The following PDCD7 variants were observed in gnomAD, a reference collection of about 807,000 sequenced individuals.
PDCD7 encodes the protein programmed cell death 7, also known as programmed cell death protein 7.
PDCD7 carries 40 observed loss-of-function variants against 42.1 expected under a neutral mutation model. That is an observed-to-expected ratio of 0.95 (90% CI 0.74 to 1.24). The LOEUF is 1.24. PDCD7 is among the 50% of genes most tolerant of loss of function. PDCD7 has a pLI of 0.00. For missense variants in PDCD7, 644 were observed against 662.8 expected, an observed-to-expected ratio of 0.97 and a Z score of 0.31; for synonymous variants, 299 against 303.3, an observed-to-expected ratio of 0.99 and a Z score of 0.15.
At chr15:65,120,136 A>G (rs1040854667) in intron 2 of PDCD7, among the ~76,000 whole-genome samples, 182 bp from the exon 3 acceptor site, 2 of 151,876 alleles carry the variant, frequency 1.3e-5, no homozygotes, top group African/African-American at 4.8e-5. Context: ...GTGCACCACC[A>G]TGCCTGGCTT....
intron 2 of PDCD7, among the ~76,000 whole-genome samples, chr15:65,122,463 T>G (rs895258982): frequency 1.3e-4 from 20 of 152,236 alleles, no homozygotes; most frequent in Admixed American, 3.3e-4. Flanking sequence ...GTCCATGTAT[T>G]AGCAACTTCA....
rs2140590339 is a variant in PDCD7 at position 65,133,631 on chromosome 15, C to T, written c.151G>A (p.Ala51Thr). 3.2e-6 allele frequency: 4 copies of T among 1,251,578 alleles called. No individual in the cohort carries two copies. The East Asian group carries it at 1.3e-4, about 39-fold the overall frequency. The allele number at this position is 1,251,578 out of a possible 1,614,324, so 77.5% of individuals were successfully genotyped here. A position where few individuals can be genotyped will look rare whatever the true frequency, so the allele number is the denominator to read the frequency against. The change falls in exon 1 of 5, where the codon GCC becomes ACC. Residue 51 changes from alanine (A) to threonine (T), a missense_variant. Coordinates refer to ENST00000204549, the MANE Select transcript of PDCD7 (RefSeq NM_005707.2). Reference sequence around the variant, plus strand: ...GGAGGCTGAAGGAAGGGGGCGGAGGCCCCCGGAAAAGGGCCGGGCCGCTGG... The same window carrying T: ...GGAGGCTGAAGGAAGGGGGCGGAGGTCCCCGGAAAAGGGCCGGGCCGCTGG... Reference protein sequence around the residue: ...LPQRPGPFPGASAPFLQPPLA... With the variant: ...LPQRPGPFPGTSAPFLQPPLA...
intron 2 of PDCD7, among the ~76,000 whole-genome samples, chr15:65,123,976 G>A (rs1420164225): frequency 6.6e-6 from 1 of 152,148 alleles, no homozygotes; most frequent in Non-Finnish European, 1.5e-5. Flanking sequence ...ACTAAAATCT[G>A]TCTATGGCGA....
At chr15:65,129,698 C>T (rs1167255830) in intron 1 of PDCD7, among the ~76,000 whole-genome samples, 2 of 152,158 alleles carry the variant, frequency 1.3e-5, no homozygotes, top group African/African-American at 2.4e-5. Flanking sequence ...TGACTTAGTT[C>T]ACATATAGAC....
chr15:65,121,053 C>CTTTTTT (rs767625477), intron 2 of PDCD7, among the ~76,000 whole-genome samples: 8 of 130,150 alleles, frequency 6.1e-5, no homozygotes, highest in African/African-American at 1.1e-4. Flanking sequence ...GACTTTCTTT[C>CTTTTTT]TTTTTTTTTT....
chr15:65,121,887 T>C (rs888455804), intron 2 of PDCD7, among the ~76,000 whole-genome samples: 4 of 152,192 alleles, frequency 2.6e-5, no homozygotes, highest in Admixed American at 2.6e-4. Context: ...ACTTAATGAA[T>C]ATTTGAGTGG....
intron 2 of PDCD7, among the ~76,000 whole-genome samples, chr15:65,121,312 CAA>C (rs2087453179): frequency 6.6e-6 from 1 of 152,088 alleles, no homozygotes; most frequent in Non-Finnish European, 1.5e-5. Flanking sequence ...CTTGGCCTCC[CAA>C]AGTGCTGGGA....
In PDCD7 at chr15:65,119,360, A is replaced by G; in HGVS notation, c.1334+16T>C. On this transcript the variant is annotated intron_variant, in intron 4 of 4. Transcript: ENST00000204549. ...TACCTAAGAGAAAGACAACATGGAG[A>G]GCCAGCCCCTCTGACCTGATCTGGA... is the stretch of plus-strand genomic sequence containing the variant. 6.3e-7 allele frequency: 1 copy of G among 1,587,068 alleles called. No individual in the cohort carries two copies. The highest frequency in any genetic ancestry group is 8.7e-7 in the Non-Finnish European group (1 of 1,155,846).
chr15:65,127,411 T>C (rs1035074999), intron 2 of PDCD7, among the ~76,000 whole-genome samples: 2 of 145,846 alleles, frequency 1.4e-5, no homozygotes, highest in Non-Finnish European at 3.0e-5. Flanking sequence ...GAGCCGAGAT[T>C]GCGCCACTGC....
rs2087554474 is a variant in PDCD7, at chr15:65,132,997, G to A, written c.785C>T (p.Ala262Val). 6.2e-7 allele frequency: 1 copy of A among 1,604,490 alleles called. No homozygotes were observed. Among genetic ancestry groups the A allele is most frequent in the Non-Finnish European group, 8.5e-7 (1 of 1,179,578 alleles). ...RAREREAERE[A>V]EAARAVEREQ... ...GCGTTCCACTGCCCGCGCGGCCTCT[G>A]CCTCCCGCTCGGCCTCGCGTTCCCG... Residue 262 changes from alanine to valine, a missense_variant, in exon 1 of 5, where the codon GCA becomes GTA. Physicochemically the swap from Ala to Val is moderately conservative, Grantham distance 64. Coordinates refer to ENST00000204549, the MANE Select transcript of PDCD7 (RefSeq NM_005707.2).
chr15:65,133,528 G>A lies in PDCD7; in HGVS notation c.254C>T (p.Pro85Leu). ...GGGCGGCGGAGGAGGCAGCGGCGGT[G>A]GTGGCACCGGGTAGAAGGCGCCAGC... is the stretch of plus-strand genomic sequence containing the variant. ...GGAGAFYPVP[P>L]PPLPPPPPQC... The change falls in exon 1 of 5, where the codon CCA (proline) becomes CTA (leucine). Residue 85 changes from proline (P) to leucine (L), a missense_variant. Coordinates refer to ENST00000204549, the MANE Select transcript of PDCD7 (RefSeq NM_005707.2). 1 of 1,228,366 alleles carries A rather than the reference G, an allele frequency of 8.1e-7. No individual in the cohort carries two copies. The highest frequency in any genetic ancestry group is 3.2e-5 in the East Asian group (1 of 31,498). 76.1% of individuals were successfully genotyped at this position (1,228,366 alleles called of 1,614,324 possible).
At chr15:65,122,912 G>C (rs570339538) in intron 2 of PDCD7, among the ~76,000 whole-genome samples, 1 of 151,558 alleles carries the variant, frequency 6.6e-6, no homozygotes, top group Non-Finnish European at 1.5e-5. Context: ...TGAGGCAGGA[G>C]AATCGCTTGA....
Position 65,133,192 on chromosome 15 carries a change from T to A in PDCD7, c.590A>T (p.Glu197Val). ...CCAGGCCGCGCCGTCGGCTTCGGCC[T>A]CGCGCAGGGCCTGGCTCAGGCCGCG... Reference protein sequence around the residue: ...RLRGLSQALREAEADGAAWVL... With the variant: ...RLRGLSQALRVAEADGAAWVL... The change falls in exon 1 of 5, where the codon GAG becomes GTG. Residue 197 changes from glutamate (E) to valine (V), a missense_variant. Transcript: ENST00000204549. The A allele has an allele frequency of 6.9e-7, 1 of 1,441,398 alleles. No homozygotes were observed. The highest frequency in any genetic ancestry group is 9.0e-7 in the Non-Finnish European group (1 of 1,108,394). The allele number at this position is 1,441,398 out of a possible 1,614,324, so 89.3% of individuals were successfully genotyped here.
At chr15:65,122,326 ACT>A (rs2068469674) in intron 2 of PDCD7, among the ~76,000 whole-genome samples, 1 of 151,958 alleles carries the variant, frequency 6.6e-6, no homozygotes, top group African/African-American at 2.4e-5. Context: ...ACAGAGCAAG[ACT>A]CTTATCTCCA....
intron 2 of PDCD7, among the ~76,000 whole-genome samples, chr15:65,122,647 T>C (rs1265637300): frequency 6.6e-6 from 1 of 152,240 alleles, no homozygotes; most frequent in Admixed American, 6.5e-5. Context: ...AAATGTCCTG[T>C]TATTATATTG....
At chr15:65,129,846 A>G (rs570799127) in intron 1 of PDCD7, among the ~76,000 whole-genome samples, 3 of 151,690 alleles carry the variant, frequency 2.0e-5, no homozygotes, top group African/African-American at 7.2e-5. Context: ...CTTTAAGACC[A>G]GGAGTTCAAA....
rs757404158 is a variant in PDCD7, at chr15:65,133,067, G to A, written c.715C>T (p.Leu239=). The part of the protein sequence containing the change: ...AAYVGEARRR[L]ERVRRRRLRL... ...AGCCGGCGGCGCCGGACCCTCTCCA[G>A]CCTCCTCCGCGCCTCGCCCACATAG... is the stretch of plus-strand genomic sequence containing the variant. The change falls in exon 1 of 5, where the codon CTG becomes TTG. Residue 239 remains leucine, a synonymous_variant. Transcript: ENST00000204549. The A allele has an allele frequency of 4.4e-6, 7 of 1,579,444 alleles. No homozygotes were observed. Among genetic ancestry groups the A allele is most frequent in the South Asian group, 1.1e-5 (1 of 88,710 alleles).
chr15:65,132,355 C>T, intron 1 of PDCD7, among the ~76,000 whole-genome samples: 1 of 150,890 alleles, frequency 6.6e-6, no homozygotes, highest in East Asian at 1.9e-4. Flanking sequence ...GCGATCTCGG[C>T]TCACTGCAAC....
chr15:65,131,772 C>T (rs1332933283), intron 1 of PDCD7, among the ~76,000 whole-genome samples: 3 of 151,822 alleles, frequency 2.0e-5, no homozygotes, highest in Non-Finnish European at 2.9e-5. Context: ...AAAGAAAATG[C>T]CTTAGAAAAC....
Sources: gnomAD v4.1 joint callset for allele counts (sites outside exome capture counted in the v4.1 genomes callset) on GRCh38, gnomAD v4.1.1 for gene constraint, MANE v1.5 for transcripts, NCBI Gene and HGNC (gene_info 2026-07-23, HGNC 2026-07-21) for gene names.